The following AMPD1 variants were observed in gnomAD, a reference collection of about 807,000 sequenced individuals.
The protein encoded by AMPD1 is adenosine monophosphate deaminase 1.
AMPD1 carries 74 observed loss-of-function variants against 82.9 expected under a neutral mutation model. The ratio of observed to expected loss-of-function variants is 0.89; its 90% CI spans 0.74 to 1.08. The LOEUF (loss-of-function observed/expected upper bound fraction) is 1.08, where lower values mean the gene tolerates loss of function less well. Ranked by LOEUF, AMPD1 falls within the 50% of genes least tolerant of loss-of-function variation. AMPD1 has a pLI of 0.00. For missense variants in AMPD1, 881 were observed against 924.5 expected (o/e 0.95, Z 0.61); for synonymous variants, 333 against 320.5 (o/e 1.04, Z -0.42).
Position 114,677,993 on chromosome 1 carries a change from G to A in AMPD1, c.1141C>T (p.Pro381Ser), listed in dbSNP as rs1658051370. The change falls in exon 9 of 16, where the codon CCT (proline) becomes TCT (serine). Residue 381 changes from proline (P) to serine (S), a missense_variant. Pro to Ser is a moderately conservative substitution (Grantham distance 74). Coordinates refer to ENST00000520113, the MANE Select transcript of AMPD1 (RefSeq NM_000036.3). ...TCCCGTAGCTCACTTGCTCCTACAGGATTATATTTGTCATTGAACTTATCA... is the reference window on the plus strand; with the variant it reads ...TCCCGTAGCTCACTTGCTCCTACAGAATTATATTTGTCATTGAACTTATCA... ...RFDKFNDKYNPVGASELRDLY... is the reference protein window; with the variant it reads ...RFDKFNDKYNSVGASELRDLY... The A allele has an allele frequency of 6.2e-7, 1 of 1,613,968 alleles. No individual in the cohort carries two copies. The highest frequency in any genetic ancestry group is 8.5e-7 in the Non-Finnish European group (1 of 1,179,984).
At position 114,676,016 on chromosome 1, in the gene AMPD1, A is replaced by G. The variant is rs371233797; in HGVS notation, c.1389-13T>C. 1 of 1,613,534 alleles carries G rather than the reference A, an allele frequency of 6.2e-7. No homozygotes were observed. Among genetic ancestry groups the G allele is most frequent in the African/African-American group, 1.3e-5 (1 of 74,920 alleles). ...ACGGAACACATCACTAGAGGCAAGAATGAAGAGAATTTAGGAGAAAAAAAG... is the reference window on the plus strand; with the variant it reads ...ACGGAACACATCACTAGAGGCAAGAGTGAAGAGAATTTAGGAGAAAAAAAG... On this transcript the variant is annotated splice_polypyrimidine_tract_variant and intron_variant, in intron 10 of 15. Coordinates refer to ENST00000520113, the MANE Select transcript of AMPD1 (RefSeq NM_000036.3).
rs774857838 is a variant in AMPD1, at chr1:114,675,620, G to A, written c.1589C>T (p.Pro530Leu). ...GHMFSSKSPK[P>L]QEWTLEKNPS... is the part of the protein sequence containing the mutation. ...ATTCTTTTCCAATGTCCACTCCTGGGGCTTGGGACTCTTGGAGGAGAACAT... is the reference window on the plus strand; with the variant it reads ...ATTCTTTTCCAATGTCCACTCCTGGAGCTTGGGACTCTTGGAGGAGAACAT... Residue 530 changes from proline to leucine, a missense_variant, in exon 12 of 16, where the codon CCC becomes CTC. By Grantham distance (98) the Pro-to-Leu change is moderately conservative (BLOSUM62 -3). Transcript: ENST00000520113. 9 of 1,614,048 alleles carry A rather than the reference G, an allele frequency of 5.6e-6. No individual in the cohort carries two copies. The highest frequency in any genetic ancestry group is 6.8e-6 in the Non-Finnish European group (8 of 1,180,018).
Position 114,684,213 on chromosome 1 carries a change from T to C in AMPD1, c.533A>G (p.Glu178Gly). 6.2e-7 allele frequency: 1 copy of C among 1,614,202 alleles called. No individual in the cohort carries two copies. The highest frequency in any genetic ancestry group is 8.5e-7 in the Non-Finnish European group (1 of 1,180,030). ...NIDGEAWVAN[E>G]SFYPVFTPPV... ...AGAATTGTTACCTGGATAGAAGCTC[T>C]CATTTGCTACCCAAGCCTCACCATC... is the stretch of plus-strand genomic sequence containing the variant. Residue 178 changes from glutamate (E) to glycine (G), a missense_variant, in exon 5 of 16, where the codon GAG becomes GGG. This residue lies in a region of AMPD1 where 783 missense variants were observed against 786.4 expected (regional missense o/e 1.00). Coordinates refer to ENST00000520113, the MANE Select transcript of AMPD1 (RefSeq NM_000036.3).
intron 3 of AMPD1, among the ~76,000 whole-genome samples, chr1:114,688,040 T>C (rs1570851958): frequency 6.6e-6 from 1 of 152,142 alleles, no homozygotes; most frequent in South Asian, 2.1e-4. Flanking sequence ...AAGGGAGATA[T>C]GGACGAGATA....
At chr1:114,682,581 C>CTTT (rs538227539) in intron 5 of AMPD1, among the ~76,000 whole-genome samples, 3 of 141,290 alleles carry the variant, frequency 2.1e-5, no homozygotes, top group African/African-American at 2.6e-5. Flanking sequence ...CTTCAAAAAT[C>CTTT]TTTTTTTTTT....
At chr1:114,688,343 G>T (rs964578798) in intron 3 of AMPD1, among the ~76,000 whole-genome samples, 3 of 152,120 alleles carry the variant, frequency 2.0e-5, no homozygotes, top group Non-Finnish European at 4.4e-5. Context: ...GACCAGGCTG[G>T]TCTCAAATTC....
intron 5 of AMPD1, chr1:114,683,198 ATC>A (rs1211906714): frequency 2.4e-6 from 1 of 419,752 alleles, no homozygotes; most frequent in Non-Finnish European, 4.6e-6. Context: ...GTTTACATCT[ATC>A]CAGAAGGCAA....
chr1:114,687,499 T>C (rs1277271082), intron 3 of AMPD1, among the ~76,000 whole-genome samples: 1 of 152,156 alleles, frequency 6.6e-6, no homozygotes, highest in Non-Finnish European at 1.5e-5. Flanking sequence ...CCAAAGGAGA[T>C]GGATTGCTGT....
In AMPD1 at chr1:114,680,318, A is replaced by G; in HGVS notation, c.708T>C (p.Asn236=). ...KDEPKPLPYP[N]LDTFLDDMNF... ...TCATATCGTCTAAGAAGGTGTCCAG[A>G]TTTGGGTAAGGAAGTGGCTTAGGCT... The change falls in exon 6 of 16, where the codon AAT becomes AAC. Residue 236 remains asparagine, a synonymous_variant. Coordinates refer to ENST00000520113, the MANE Select transcript of AMPD1 (RefSeq NM_000036.3). 1.2e-6 allele frequency: 2 copies of G among 1,614,182 alleles called. No individual in the cohort carries two copies. The highest frequency in any genetic ancestry group is 1.7e-6 in the Non-Finnish European group (2 of 1,180,036).
chr1:114,693,515 T>C, intron 1 of AMPD1, 68 bp from the exon 2 acceptor site: 1 of 1,420,196 alleles, frequency 7.0e-7, no homozygotes, highest in Non-Finnish European at 1.0e-6. Context: ...TGGCTATTAA[T>C]CACTGCTTTG....
At chr1:114,680,549 T>A (rs1361834894) in intron 5 of AMPD1, 71 bp from the exon 6 acceptor site, 2 of 1,263,498 alleles carry the variant, frequency 1.6e-6, no homozygotes, top group Non-Finnish European at 2.3e-6. Flanking sequence ...AACCAAAATG[T>A]GAAATACTAC....
intron 2 of AMPD1, among the ~76,000 whole-genome samples, chr1:114,690,723 A>G (rs962721834): frequency 2.0e-5 from 3 of 148,222 alleles, no homozygotes; most frequent in African/African-American, 7.3e-5. Flanking sequence ...CCTACTGCCA[A>G]CTGATCCCCA....
intron 5 of AMPD1, among the ~76,000 whole-genome samples, chr1:114,680,804 T>C (rs1301391421): frequency 6.6e-6 from 1 of 152,098 alleles, no homozygotes; most frequent in Non-Finnish European, 1.5e-5. Flanking sequence ...CCGTCTCTAC[T>C]ACAAATACAC....
intron 5 of AMPD1, among the ~76,000 whole-genome samples, chr1:114,683,891 A>C (rs1488116556): frequency 1.3e-5 from 2 of 152,168 alleles, no homozygotes; most frequent in Non-Finnish European, 2.9e-5. Context: ...ATTAGCACCA[A>C]AGTAAAGATG....
rs1348392098 is a variant in AMPD1, at chr1:114,675,103, TAC to T, written c.1680-233_1680-232del. On this transcript the variant is annotated intron_variant, in intron 12 of 15. Transcript: ENST00000520113. ...AAAGTGTTGATTGCCTGGATGGAAA[TAC>T]GTTCAGTCTCAATAGGAAATTTACC... 5 of 594,984 alleles carry T rather than the reference TAC, an allele frequency of 8.4e-6. No individual in the cohort carries two copies. The East Asian group carries it at 1.4e-4, about 17-fold the overall frequency. 36.9% of individuals were successfully genotyped at this position (594,984 alleles called of 1,614,324 possible).
chr1:114,674,973 A>T (rs573486668), intron 12 of AMPD1, 101 bp from the exon 13 acceptor site: 6 of 1,466,172 alleles, frequency 4.1e-6, no homozygotes, highest in Admixed American at 1.8e-5. Flanking sequence ...GAAGTAAGCC[A>T]TCCAAAGGAT....
rs1236822599 is a variant in AMPD1, at chr1:114,675,002, A to G, written c.1680-130T>C. ...AAAGGATTCAGCAAAACAGTCCCAA[A>G]TCATAATCTTAATTCTTGCTAAATA... On this transcript the variant is annotated intron_variant, in intron 12 of 15. Transcript: ENST00000520113. 12 of 1,198,118 alleles carry G rather than the reference A, an allele frequency of 1.0e-5. No homozygotes were observed. In the African/African-American group the frequency reaches 1.7e-4, roughly 17 times the overall value. The allele number at this position is 1,198,118 out of a possible 1,614,324, so 74.2% of individuals were successfully genotyped here. A position where few individuals can be genotyped will look rare whatever the true frequency, so the allele number is the denominator to read the frequency against.
intron 1 of AMPD1, among the ~76,000 whole-genome samples, chr1:114,695,195 TCA>T (rs1658639834): frequency 6.6e-6 from 1 of 152,184 alleles, no homozygotes; most frequent in East Asian, 1.9e-4. Flanking sequence ...ATTAAATATT[TCA>T]CAGAGTTTTC....
chr1:114,684,496 G>A, intron 4 of AMPD1, 132 bp from the exon 5 acceptor site: 1 of 928,472 alleles, frequency 1.1e-6, no homozygotes, highest in Non-Finnish European at 1.7e-6. Context: ...CACTCACCTG[G>A]CTGCTTCTTA....
Sources: gnomAD v4.1 joint callset for allele counts (sites outside exome capture counted in the v4.1 genomes callset) on GRCh38, gnomAD v4.1.1 for gene constraint, gnomAD v4.1.1 regional missense constraint, MANE v1.5 for transcripts, NCBI Gene and HGNC (gene_info 2026-07-23, HGNC 2026-07-21) for gene names.